The following ECHDC2 variants were observed in gnomAD, a reference collection of about 807,000 sequenced individuals.
ECHDC2 encodes enoyl-CoA hydratase domain-containing protein 2, mitochondrial.
A neutral mutation model predicts 40.6 loss-of-function variants in ECHDC2; 34 were observed. That is an observed-to-expected ratio of 0.84 (90% CI 0.64 to 1.11). ECHDC2 has a LOEUF of 1.11. Ranked by LOEUF, ECHDC2 falls within the 50% of genes most tolerant of loss-of-function variation. The probability of loss-of-function intolerance (pLI) is 0.00; values close to 1 mark genes in which losing one functional copy is unlikely to be tolerated. For synonymous variants in ECHDC2, 162 were observed against 166.6 expected, an observed-to-expected ratio of 0.97 and a Z score of 0.21; for missense variants, 392 against 400.7, an observed-to-expected ratio of 0.98 and a Z score of 0.19.
intron 8 of ECHDC2, chr1:52,898,950 CCTCT>C (rs1314098721): frequency 6.5e-6 from 4 of 611,670 alleles, no homozygotes; most frequent in Non-Finnish European, 1.2e-5. Flanking sequence ...TCAATCTCAT[CCTCT>C]CTCCAAGGGA....
intron 1 of ECHDC2, 71 bp downstream of exon 1, chr1:52,921,482 C>A: frequency 6.6e-7 from 1 of 1,525,044 alleles, no homozygotes; most frequent in Non-Finnish European, 8.8e-7. Context: ...GAGCGGCCCA[C>A]CTGCCGGTCC....
intron 1 of ECHDC2, among the ~76,000 whole-genome samples, chr1:52,915,578 T>TG (rs1650500873): frequency 6.6e-6 from 1 of 151,966 alleles, no homozygotes; most frequent in Admixed American, 6.6e-5. Flanking sequence ...GGAGAGAAAA[T>TG]GGGGCAACTC....
intron 7 of ECHDC2, among the ~76,000 whole-genome samples, chr1:52,902,215 G>A (rs1455456846): frequency 6.6e-6 from 1 of 152,162 alleles, no homozygotes; most frequent in Non-Finnish European, 1.5e-5. Flanking sequence ...GGAGTGCAGT[G>A]GTGCGATCTC....
intron 1 of ECHDC2, among the ~76,000 whole-genome samples, chr1:52,918,629 T>A (rs146563731): frequency 1.8e-4 from 27 of 152,188 alleles, no homozygotes; most frequent in African/African-American, 6.0e-4. Flanking sequence ...GAAGAAAACA[T>A]TTTTTGTACA....
rs1202205888 is a variant in ECHDC2, at chr1:52,906,770, T to TC, written c.365-160_365-159insG. ...CAGCCAGGTTATCTTAATTCTTTTT[T>TC]TTTTTTTTTTTTGAGACGGAGTCTT... On this transcript the variant is annotated intron_variant, in intron 4 of 9. Coordinates refer to ENST00000371522, the MANE Select transcript of ECHDC2 (RefSeq NM_001198961.2). Among the ~76,000 whole-genome samples the TC allele has an allele frequency of 4.0e-5, 6 of 150,256 alleles. No individual in the cohort carries two copies. In the East Asian group the frequency reaches 1.2e-3, roughly 29 times the overall value.
At chr1:52,916,676 G>T (rs1645477031) in intron 1 of ECHDC2, among the ~76,000 whole-genome samples, 1 of 152,156 alleles carries the variant, frequency 6.6e-6, no homozygotes, top group Non-Finnish European at 1.5e-5. Context: ...ACATTCAATT[G>T]TGCAACATTT....
At chr1:52,897,392 GC>G (rs2150031474) in intron 9 of ECHDC2, 44 bp downstream of exon 9, 2 of 1,603,150 alleles carry the variant, frequency 1.2e-6, no homozygotes, top group Non-Finnish European at 8.5e-7. Flanking sequence ...CTCTAGCCTG[GC>G]CCAGCCTATG....
intron 3 of ECHDC2, among the ~76,000 whole-genome samples, chr1:52,910,351 CGTTTTTTTT>C (rs1360693064): frequency 2.7e-5 from 1 of 36,790 alleles, no homozygotes; most frequent in Admixed American, 4.3e-4. Context: ...ACCACAATTT[CGTTTTTTTT>C]TTTTTTTTTT....
rs746622769 is a variant in ECHDC2, at chr1:52,906,593, G to C, written c.383C>G (p.Thr128Ser). The C allele has an allele frequency of 1.5e-5, 24 of 1,612,146 alleles. No homozygotes were observed. Among genetic ancestry groups the C allele is most frequent in the Middle Eastern group, 1.7e-4 (1 of 6,060 alleles). ...GGCAAACCCATCCATAGCCGCAATG[G>C]TGGGTGCAGGGAAGGCTGCTGTGGA... ...MNDIAAFPAP[T>S]IAAMDGFALG... is the part of the protein sequence containing the mutation. The change falls in exon 5 of 10, where the codon ACC (threonine) becomes AGC (serine). Residue 128 changes from threonine to serine, a missense_variant. Coordinates refer to ENST00000371522, the MANE Select transcript of ECHDC2 (RefSeq NM_001198961.2).
At position 52,911,548 on chromosome 1, in the gene ECHDC2, G is replaced by A; in HGVS notation, c.277+18C>T. Reference sequence around the variant, plus strand: ...GGCACCCTGCAGAGCACAGATGGGGGCAGGAGAGAGAACCTACCTGCACAG... The same window carrying A: ...GGCACCCTGCAGAGCACAGATGGGGACAGGAGAGAGAACCTACCTGCACAG... On this transcript the variant is annotated intron_variant, in intron 3 of 9. Coordinates refer to ENST00000371522, the MANE Select transcript of ECHDC2 (RefSeq NM_001198961.2). 6.2e-7 allele frequency: 1 copy of A among 1,611,616 alleles called. No individual in the cohort carries two copies. The highest frequency in any genetic ancestry group is 8.5e-7 in the Non-Finnish European group (1 of 1,179,206).
At chr1:52,912,141 C>A in intron 1 of ECHDC2, 4 of 702,940 alleles carry the variant, frequency 5.7e-6, no homozygotes, top group Non-Finnish European at 5.5e-6. Context: ...CATGTACCTT[C>A]TTTAATTTTA....
At chr1:52,919,503 C>T (rs1651435253) in intron 1 of ECHDC2, among the ~76,000 whole-genome samples, 1 of 152,194 alleles carries the variant, frequency 6.6e-6, no homozygotes, top group African/African-American at 2.4e-5. Context: ...TGTAGGTGCA[C>T]TCTGTGATGC....
intron 3 of ECHDC2, among the ~76,000 whole-genome samples, chr1:52,908,956 G>GAAAAAAAAAAAAAAAAAAA (rs1190885771): frequency 1.4e-5 from 2 of 141,828 alleles, no homozygotes. Flanking sequence ...AAAAAAAAAG[G>GAAAAAAAAAAAAAAAAAAA]AAAAAGGACT....
rs773242791 is a variant in ECHDC2 at position 52,907,894 on chromosome 1, C to T, written c.338G>A (p.Arg113Gln). ...GATGTCATTCATCAGGCCCCGGAGT[C>T]GCTGGACAAACACCCCCACCTCTGC... ...SEAEVGVFVQ[R>Q]LRGLMNDIAA... Residue 113 changes from arginine (R) to glutamine (Q), a missense_variant, in exon 4 of 10, where the codon CGA becomes CAA. By Grantham distance (43) the Arg-to-Gln change is conservative. Transcript: ENST00000371522. 38 of 1,613,852 alleles carry T rather than the reference C, an allele frequency of 2.4e-5. No individual in the cohort carries two copies. The highest frequency in any genetic ancestry group is 3.3e-4 in the Middle Eastern group (2 of 6,084).
chr1:52,917,150 A>G (rs1015366499), intron 1 of ECHDC2, among the ~76,000 whole-genome samples: 3 of 151,506 alleles, frequency 2.0e-5, no homozygotes, highest in African/African-American at 7.3e-5. Flanking sequence ...TGAAACCAAG[A>G]GGCAGAGGCT....
chr1:52,901,221 G>A (rs1214870845), intron 7 of ECHDC2: 2 of 151,618 alleles, frequency 1.3e-5, no homozygotes, highest in African/African-American at 2.4e-5. Context: ...GTTAAAAACG[G>A]TATGTACGTA....
rs185891517 is a variant in ECHDC2 at position 52,918,118 on chromosome 1, G to A, written c.121+3435C>T. Among the ~76,000 whole-genome samples, 10 of 152,206 alleles carry A rather than the reference G, an allele frequency of 6.6e-5. No individual in the cohort carries two copies. The East Asian group carries it at 1.5e-3, about 23-fold the overall frequency. On this transcript the variant is annotated intron_variant, in intron 1 of 9. Transcript: ENST00000371522. Reference sequence around the variant, plus strand: ...GATATTGGACAGCCTTGACCTCCCCGGCTCAAGCCATCCTCCCACCTCAGC... The same window carrying A: ...GATATTGGACAGCCTTGACCTCCCCAGCTCAAGCCATCCTCCCACCTCAGC...
At chr1:52,906,688 A>G in intron 4 of ECHDC2, 77 bp from the exon 5 acceptor site, 2 of 1,270,424 alleles carry the variant, frequency 1.6e-6, no homozygotes, top group Non-Finnish European at 1.1e-6. Flanking sequence ...GGGAGGGGCA[A>G]GCTGGTTGGG....
In ECHDC2 at chr1:52,905,055, G is replaced by A. The variant is rs768176933; in HGVS notation, c.493C>T (p.Arg165Ter). The A allele has an allele frequency of 6.2e-6, 10 of 1,614,162 alleles. No homozygotes were observed. The highest frequency in any genetic ancestry group is 4.0e-5 in the African/African-American group (3 of 75,036). The stretch of plus-strand genomic sequence containing the variant: ...TTACCTGCCCCCGGGAGGAGCCCTC[G>A]CGTGGTCTCAATCAGTCCCATGACT... ...SAVMGLIETT[R>*]GLLPGAGGTQ... Residue 165 changes from arginine (R) to a stop codon, truncating the protein, a stop_gained, in exon 6 of 10, where the codon CGA becomes TGA. Transcript: ENST00000371522. LOFTEE classifies it high-confidence loss of function.
Sources: allele counts gnomAD v4.1 joint callset (sites outside exome capture counted in the v4.1 genomes callset), GRCh38; gene constraint gnomAD v4.1.1; transcripts MANE v1.5; gene names NCBI Gene and HGNC (gene_info 2026-07-23, HGNC 2026-07-21).